The following PTPRF variants were observed in gnomAD, a reference collection of about 807,000 sequenced individuals.
The protein encoded by PTPRF is receptor-type tyrosine-protein phosphatase F.
A neutral mutation model predicts 201.8 loss-of-function variants in PTPRF; 59 were observed. The observed-to-expected ratio is 0.29, with a 90% CI of 0.24 to 0.36. PTPRF has a LOEUF of 0.36. PTPRF is among the 10% of genes least tolerant of loss of function. PTPRF has a pLI of 1.00. For missense variants in PTPRF, 2,132 were observed against 2,690.5 expected (o/e 0.79, Z 4.59); for synonymous variants, 1,088 against 1,089.7 (o/e 1.00, Z 0.03).
At position 43,569,704 on chromosome 1, in the gene PTPRF, A is replaced by G; in HGVS notation, c.494A>G (p.Glu165Gly). ...LCAAGGNPDP[E>G]ISWFKDFLPV... is the part of the protein sequence containing the mutation. ...GCCGCAGGCGGAAATCCAGACCCTG[A>G]GATTTCTTGGTTCAAGGACTTCCTT... The change falls in exon 6 of 34, where the codon GAG becomes GGG. Residue 165 changes from glutamate (E) to glycine (G), a missense_variant. This residue lies in a region of PTPRF where 297 missense variants were observed against 454.0 expected (regional missense o/e 0.65). Coordinates refer to ENST00000359947, the MANE Select transcript of PTPRF (RefSeq NM_002840.5). The G allele has an allele frequency of 6.2e-7, 1 of 1,614,038 alleles. No homozygotes were observed. The highest frequency in any genetic ancestry group is 8.5e-7 in the Non-Finnish European group (1 of 1,179,942).
intron 7 of PTPRF, among the ~76,000 whole-genome samples, chr1:43,582,785 G>A (rs1050965887): frequency 7.2e-5 from 11 of 152,186 alleles, no homozygotes; most frequent in African/African-American, 2.7e-4. Flanking sequence ...GCCTGCCTGT[G>A]CCCCATTTTC....
intron 30 of PTPRF, 77 bp downstream of exon 30, chr1:43,620,298 T>A (rs1658895267): frequency 1.3e-6 from 2 of 1,580,792 alleles, no homozygotes; most frequent in Admixed American, 1.7e-5. Context: ...CTGCCGCCTA[T>A]GTTACTGTCT....
At position 43,620,151 on chromosome 1, in the gene PTPRF, T is replaced by TC; in HGVS notation, c.5169dup (p.Trp1724LeufsTer44). 6.2e-7 allele frequency: 1 copy of TC among 1,614,098 alleles called. No individual in the cohort carries two copies. Among genetic ancestry groups the TC allele is most frequent in the Non-Finnish European group, 8.5e-7 (1 of 1,179,972 alleles). On this transcript the variant is annotated frameshift_variant, in exon 30 of 34. Transcript: ENST00000359947. LOFTEE classifies it high-confidence loss of function. ...CCTCTGGCAGAGAGCACCGAGGACT[T>TC]CTGGCGCATGCTATGGGAGCACAAT...
In PTPRF at chr1:43,603,113, A is replaced by G. The variant is rs781086143; in HGVS notation, c.2341-303A>G. On this transcript the variant is annotated intron_variant, in intron 14 of 33. Transcript: ENST00000359947. This position sits in a 1 kb window ranked among gnomAD's most constrained non-coding sequence, Gnocchi z 5.8. ...GAGGCTGTGCCCTGTTGATATCCTC[A>G]GTCTCCGTTCACAGCACAGTGGAGT... is the stretch of plus-strand genomic sequence containing the variant. Among the ~76,000 whole-genome samples the G allele has an allele frequency of 6.6e-6, 1 of 152,144 alleles. No homozygotes were observed. Among genetic ancestry groups the G allele is most frequent in the Non-Finnish European group, 1.5e-5 (1 of 68,016 alleles).
At chr1:43,574,231 G>A (rs1646775358) in intron 6 of PTPRF, among the ~76,000 whole-genome samples, 1 of 151,822 alleles carries the variant, frequency 6.6e-6, no homozygotes, top group South Asian at 2.1e-4. Context: ...CCGAACCTCG[G>A]GTGATCCGCC....
At chr1:43,573,289 G>A (rs897174948) in intron 6 of PTPRF, among the ~76,000 whole-genome samples, 4 of 152,144 alleles carry the variant, frequency 2.6e-5, no homozygotes, top group African/African-American at 4.8e-5. Flanking sequence ...AGGCTGTGCC[G>A]AGCCTGGACA....
At chr1:43,612,830 G>A in intron 22 of PTPRF, 2 of 1,356,392 alleles carry the variant, frequency 1.5e-6, no homozygotes, top group Non-Finnish European at 2.0e-6. Flanking sequence ...GTGTTTGGGG[G>A]ATACTTTGGC....
At chr1:43,556,231 TTTGTTGTTG>T (rs1031248284) in intron 5 of PTPRF, among the ~76,000 whole-genome samples, 2 of 152,230 alleles carry the variant, frequency 1.3e-5, no homozygotes, top group South Asian at 4.2e-4. Flanking sequence ...AGTTACTCTT[TTTGTTGTTG>T]TTGTTGTTGT....
In PTPRF at chr1:43,591,010, A is replaced by G. The variant is rs748578998; in HGVS notation, c.988A>G (p.Thr330Ala). 21 of 1,613,260 alleles carry G rather than the reference A, an allele frequency of 1.3e-5. 1 individual carries two copies. Among genetic ancestry groups the G allele is most frequent in the Admixed American group, 1.0e-4 (6 of 60,002 alleles). ...TCCGATTGATCTTGTGGTGACAGAG[A>G]CAACTGCCACCAGTGTCACCCTCAC... ...KPPIDLVVTE[T>A]TATSVTLTWD... The change falls in exon 9 of 34, where the codon ACA (threonine) becomes GCA (alanine). Residue 330 changes from threonine (T) to alanine (A), a missense_variant. By Grantham distance (58) the Thr-to-Ala change is moderately conservative (BLOSUM62 0). This residue lies in a region of PTPRF where 297 missense variants were observed against 454.0 expected (regional missense o/e 0.65). Coordinates refer to ENST00000359947, the MANE Select transcript of PTPRF (RefSeq NM_002840.5).
At chr1:43,613,844 A>C (rs1657083514) in intron 23 of PTPRF, 129 bp downstream of exon 23, 1 of 798,726 alleles carries the variant, frequency 1.3e-6, no homozygotes, top group Non-Finnish European at 2.1e-6. Flanking sequence ...CACAGAGAGG[A>C]GGGTTGGCAG....
At chr1:43,578,737 C>G (rs931903976) in intron 6 of PTPRF, 73 bp from the exon 7 acceptor site, 1 of 1,123,272 alleles carries the variant, frequency 8.9e-7, no homozygotes, top group African/African-American at 1.5e-5. Flanking sequence ...CAGATGCTGT[C>G]GAGACCTCTC....
chr1:43,565,558 T>G (rs995034624), intron 5 of PTPRF, among the ~76,000 whole-genome samples: 5 of 152,176 alleles, frequency 3.3e-5, no homozygotes, highest in Admixed American at 2.0e-4. Context: ...GCCCCTGAAG[T>G]CCCCATGGGC....
At chr1:43,578,544 A>G (rs1269543234) in intron 6 of PTPRF, among the ~76,000 whole-genome samples, 1 of 152,150 alleles carries the variant, frequency 6.6e-6, no homozygotes, top group African/African-American at 2.4e-5. Flanking sequence ...GGGTTGGGGT[A>G]CAGTCCCTGG....
At chr1:43,621,265 T>C in intron 33 of PTPRF, 33 bp downstream of exon 33, 3 of 1,608,820 alleles carry the variant, frequency 1.9e-6, no homozygotes, top group Non-Finnish European at 1.7e-6. Flanking sequence ...GCCAGGGCCT[T>C]GGCAGCAGCG....
At chr1:43,606,212 T>G (rs771540554) in intron 19 of PTPRF, 28 bp from the exon 20 acceptor site, 4 of 1,598,368 alleles carry the variant, frequency 2.5e-6, no homozygotes, top group Non-Finnish European at 3.4e-6. Flanking sequence ...CCAAGGCCCC[T>G]CATGACCCCC....
At position 43,569,688 on chromosome 1, in the gene PTPRF, G is replaced by A. The variant is rs370860175; in HGVS notation, c.478G>A (p.Gly160Arg). ...AGCCACCATGCTATGTGCCGCAGGC[G>A]GAAATCCAGACCCTGAGATTTCTTG... ...RTATMLCAAG[G>R]NPDPEISWFK... is the part of the protein sequence containing the mutation. The change falls in exon 6 of 34, where the codon GGA (glycine) becomes AGA (arginine). Residue 160 changes from glycine to arginine, a missense_variant. By Grantham distance (125) the Gly-to-Arg change is moderately radical. This residue lies in a region of PTPRF where 297 missense variants were observed against 454.0 expected (regional missense o/e 0.65). Transcript: ENST00000359947. 1.2e-6 allele frequency: 2 copies of A among 1,613,960 alleles called. No homozygotes were observed. The highest frequency in any genetic ancestry group is 1.7e-6 in the Non-Finnish European group (2 of 1,179,964).
chr1:43,593,227 C>G (rs1651327019), intron 11 of PTPRF, among the ~76,000 whole-genome samples: 1 of 152,208 alleles, frequency 6.6e-6, no homozygotes, highest in Non-Finnish European at 1.5e-5. Flanking sequence ...GTGAGAGACT[C>G]CGATGCTGCA....
intron 5 of PTPRF, among the ~76,000 whole-genome samples, chr1:43,562,260 C>T (rs1435315941): frequency 6.6e-6 from 1 of 152,156 alleles, no homozygotes; most frequent in Admixed American, 6.5e-5. Context: ...AGGCACGCGC[C>T]ACCACACCTG....
Position 43,620,826 on chromosome 1 carries a change from C to T in PTPRF, c.5365-12C>T, listed in dbSNP as rs1034803754. The T allele has an allele frequency of 6.2e-7, 1 of 1,606,386 alleles. No homozygotes were observed. Among genetic ancestry groups the T allele is most frequent in the African/African-American group, 1.3e-5 (1 of 74,916 alleles). ...ACGAATTCTAATCATGTACCCCACC[C>T]ACCTTTCCCAGGATGGGCAGTCAAG... is the stretch of plus-strand genomic sequence containing the variant. On this transcript the variant is annotated splice_polypyrimidine_tract_variant and intron_variant, in intron 31 of 33. Coordinates refer to ENST00000359947, the MANE Select transcript of PTPRF (RefSeq NM_002840.5).
Sources: gnomAD v4.1 joint callset for allele counts (sites outside exome capture counted in the v4.1 genomes callset) on GRCh38, gnomAD v4.1.1 for gene constraint, gnomAD v4.1.1 regional missense constraint, Gnocchi (gnomAD v3.1) non-coding constraint, MANE v1.5 for transcripts, NCBI Gene and HGNC (gene_info 2026-07-23, HGNC 2026-07-21) for gene names.